Variants in NCAM2 observed in about 807,000 individuals in gnomAD.
NCAM2 encodes neural cell adhesion molecule 2.
Under a neutral mutation model 98.1 loss-of-function variants are expected in NCAM2, and 30 were observed. That is an observed-to-expected ratio of 0.31 (90% CI 0.23 to 0.41). NCAM2 has a LOEUF of 0.41. NCAM2 is among the 10% of genes least tolerant of loss of function. The probability of loss-of-function intolerance (pLI) is 1.00; values close to 1 mark genes in which losing one functional copy is unlikely to be tolerated. For synonymous variants in NCAM2, 368 were observed against 342.4 expected (o/e 1.07, Z -0.83); for missense variants, 867 against 1,005.8 (o/e 0.86, Z 1.87).
chr21:21,326,243 T>C (rs918741956), intron 6 of NCAM2, among the ~76,000 whole-genome samples: 10 of 152,174 alleles, frequency 6.6e-5, no homozygotes, highest in Non-Finnish European at 1.3e-4. Flanking sequence ...AAATCTCCTT[T>C]ACTTCTGAGA....
In NCAM2 at chr21:21,070,029, C is replaced by T. The variant is rs563390751; in HGVS notation, c.55+71411C>T. Among the ~76,000 whole-genome samples the T allele has an allele frequency of 4.6e-5, 7 of 152,118 alleles. No individual in the cohort carries two copies. In the East Asian group the frequency reaches 7.8e-4, roughly 17 times the overall value. On this transcript the variant is annotated intron_variant, in intron 1 of 17. Transcript: ENST00000400546. ...GTTTTTGTGCATGTGTATGCATGCA[C>T]GCTGAATAAGTTCCTTGCATGCTAA... is the stretch of plus-strand genomic sequence containing the variant.
rs79277547 is a variant in NCAM2 at position 21,160,672 on chromosome 21, A to G, written c.56-119906A>G. Among the ~76,000 whole-genome samples the G allele has an allele frequency of 7.6e-3, 1,158 of 152,124 alleles. 14 individuals are homozygous for G. Among genetic ancestry groups the G allele is most frequent in the African/African-American group, 0.026 (1,094 of 41,550 alleles). On this transcript the variant is annotated intron_variant, in intron 1 of 17. Transcript: ENST00000400546. Reference sequence around the variant, plus strand: ...ATTTACATTTGGAAACTTAAATTCTATGCTATAGTGTTGTGTATGCAAGAC... The same window carrying G: ...ATTTACATTTGGAAACTTAAATTCTGTGCTATAGTGTTGTGTATGCAAGAC...
intron 10 of NCAM2, among the ~76,000 whole-genome samples, chr21:21,413,794 G>T (rs1039823461): frequency 2.0e-5 from 3 of 152,170 alleles, no homozygotes; most frequent in Admixed American, 2.0e-4. Flanking sequence ...TCAGAATGTT[G>T]ATTGCTGAAG....
At chr21:21,424,030 T>G (rs950462633) in intron 11 of NCAM2, among the ~76,000 whole-genome samples, 9 of 152,190 alleles carry the variant, frequency 5.9e-5, no homozygotes, top group African/African-American at 2.2e-4. Context: ...TAAAATTAGT[T>G]CATTTGGTAT....
At chr21:21,521,978 C>G (rs140112657) in intron 16 of NCAM2, among the ~76,000 whole-genome samples, 3 of 149,976 alleles carry the variant, frequency 2.0e-5, no homozygotes, top group African/African-American at 7.3e-5. Flanking sequence ...ACATCATATT[C>G]AAACTGCAGA....
intron 5 of NCAM2, among the ~76,000 whole-genome samples, chr21:21,314,900 C>T (rs186376314): frequency 3.9e-5 from 6 of 152,206 alleles, no homozygotes; most frequent in Middle Eastern, 3.4e-3. Flanking sequence ...TAAACAGTTG[C>T]TTTAAAATAG....
intron 1 of NCAM2, among the ~76,000 whole-genome samples, chr21:21,073,620 G>A (rs1425211773): frequency 6.6e-6 from 1 of 152,158 alleles, no homozygotes; most frequent in Non-Finnish European, 1.5e-5. Flanking sequence ...GCTATGACAT[G>A]TACAACAGAG....
At chr21:21,110,999 C>T (rs1253788993) in intron 1 of NCAM2, among the ~76,000 whole-genome samples, 14 of 152,024 alleles carry the variant, frequency 9.2e-5, no homozygotes, top group Admixed American at 9.2e-4. Flanking sequence ...AATCATCATG[C>T]ATATGTTTCA....
chr21:21,267,479 G>C (rs763247612), intron 1 of NCAM2, among the ~76,000 whole-genome samples: 222 of 152,118 alleles, frequency 1.5e-3, no homozygotes, highest in Non-Finnish European at 2.2e-3. Flanking sequence ...GAAATCTTAA[G>C]CATGTCAGTC....
intron 1 of NCAM2, among the ~76,000 whole-genome samples, chr21:21,080,697 C>A (rs115358867): frequency 6.9e-6 from 1 of 145,336 alleles, no homozygotes. Flanking sequence ...TTGATTCATA[C>A]CCCTAACATT....
At chr21:21,374,094 A>G (rs979606985) in intron 9 of NCAM2, 81 bp downstream of exon 9, 2 of 1,350,838 alleles carry the variant, frequency 1.5e-6, no homozygotes, top group East Asian at 2.4e-5. Flanking sequence ...AGACCAAAAT[A>G]TATATGTAGT....
At chr21:21,513,052 T>C (rs189985175) in intron 16 of NCAM2, among the ~76,000 whole-genome samples, 102 of 152,226 alleles carry the variant, frequency 6.7e-4, no homozygotes, top group Non-Finnish European at 6.0e-4. Context: ...CTCCTTCCTT[T>C]CCACTTTGGA....
intron 11 of NCAM2, among the ~76,000 whole-genome samples, chr21:21,429,800 T>C (rs1262135033): frequency 6.6e-6 from 1 of 152,168 alleles, no homozygotes; most frequent in Non-Finnish European, 1.5e-5. Flanking sequence ...AGTTGTAACA[T>C]CATGTACTTC....
chr21:21,357,694 T>C (rs1408139801), intron 8 of NCAM2, among the ~76,000 whole-genome samples: 1 of 152,144 alleles, frequency 6.6e-6, no homozygotes, highest in African/African-American at 2.4e-5. Flanking sequence ...TTATTACTTA[T>C]ATGAGGAATT....
intron 1 of NCAM2, chr21:21,223,298 A>G (rs562243022): frequency 6.6e-6 from 1 of 152,166 alleles, no homozygotes; most frequent in Non-Finnish European, 1.5e-5. Flanking sequence ...AATAACATTT[A>G]GTATTTTTAA....
intron 1 of NCAM2, among the ~76,000 whole-genome samples, chr21:21,039,306 A>T (rs1277162952): frequency 6.6e-6 from 1 of 152,138 alleles, no homozygotes; most frequent in Non-Finnish European, 1.5e-5. Context: ...TTTTTACAAG[A>T]TTTGCAGTTC....
chr21:21,023,111 A>G (rs1169940217), intron 1 of NCAM2, among the ~76,000 whole-genome samples: 1 of 152,216 alleles, frequency 6.6e-6, no homozygotes, highest in Non-Finnish European at 1.5e-5. Flanking sequence ...ACAAAAATCC[A>G]AACTGGCTGT....
At chr21:21,004,320 CCTTATAA>C (rs1369521950) in intron 1 of NCAM2, among the ~76,000 whole-genome samples, 4 of 152,126 alleles carry the variant, frequency 2.6e-5, no homozygotes, top group Non-Finnish European at 5.9e-5. Context: ...CTTTCAGTCA[CCTTATAA>C]CTTATGATTA....
At chr21:21,060,271 A>G (rs1207595567) in intron 1 of NCAM2, among the ~76,000 whole-genome samples, 1 of 152,178 alleles carries the variant, frequency 6.6e-6, no homozygotes, top group African/African-American at 2.4e-5. Context: ...ACCATATGTG[A>G]AAATAGTCAC....
Sources: allele counts gnomAD v4.1 joint callset (sites outside exome capture counted in the v4.1 genomes callset), GRCh38; gene constraint gnomAD v4.1.1; transcripts MANE v1.5; gene names NCBI Gene and HGNC (gene_info 2026-07-23, HGNC 2026-07-21).